CHCHD3: variants seen among roughly 807,000 people sequenced by gnomAD.
CHCHD3 encodes MICOS complex subunit MIC19.
CHCHD3 carries 20 observed loss-of-function variants against 38.2 expected under a neutral mutation model. The observed-to-expected ratio is 0.52, with a 90% confidence interval of 0.37 to 0.76. CHCHD3 has a LOEUF of 0.76. Ranked by LOEUF, CHCHD3 falls within the 30% of genes least tolerant of loss-of-function variation. CHCHD3 has a pLI of 0.00. For missense variants in CHCHD3, 245 were observed against 279.2 expected (o/e 0.88, Z 0.87); for synonymous variants, 82 against 100.0 (o/e 0.82, Z 1.07).
chr7:132,936,239 A>G (rs1266668225), intron 4 of CHCHD3, among the ~76,000 whole-genome samples: 2 of 152,188 alleles, frequency 1.3e-5, no homozygotes, highest in East Asian at 3.9e-4. Flanking sequence ...CAGGTCTAAC[A>G]TGCTTATTTT....
intron 2 of CHCHD3, among the ~76,000 whole-genome samples, chr7:133,030,883 A>ATTT (rs1813481811): frequency 6.6e-6 from 1 of 152,138 alleles, no homozygotes; most frequent in South Asian, 2.1e-4. Flanking sequence ...GCTCTAAACC[A>ATTT]TTTACTTGAA....
chr7:132,971,004 A>G (rs902092107), intron 4 of CHCHD3, among the ~76,000 whole-genome samples: 1 of 152,184 alleles, frequency 6.6e-6, no homozygotes, highest in African/African-American at 2.4e-5. Flanking sequence ...GTAAGACATA[A>G]AAAAGAGTGA....
chr7:132,930,191 G>A (rs1006558621), intron 4 of CHCHD3, among the ~76,000 whole-genome samples: 1 of 142,496 alleles, frequency 7.0e-6, no homozygotes, highest in African/African-American at 2.5e-5. Flanking sequence ...TTTGAGACAG[G>A]AGTCTCGTTC....
chr7:132,815,865 T>C (rs1807190040), intron 6 of CHCHD3, among the ~76,000 whole-genome samples: 1 of 152,196 alleles, frequency 6.6e-6, no homozygotes, highest in South Asian at 2.1e-4. Context: ...GCCTACTCAT[T>C]CAATGCTTAA....
At chr7:133,045,969 T>C (rs573818990) in intron 2 of CHCHD3, among the ~76,000 whole-genome samples, 7 of 152,206 alleles carry the variant, frequency 4.6e-5, no homozygotes, top group Admixed American at 2.0e-4. Flanking sequence ...TGCAGAGTCA[T>C]GAGCCTACAG....
At chr7:132,997,250 T>C (rs1812444043) in intron 3 of CHCHD3, among the ~76,000 whole-genome samples, 1 of 152,188 alleles carries the variant, frequency 6.6e-6, no homozygotes, top group South Asian at 2.1e-4. Context: ...GCTGCCTATA[T>C]AGTTTTTGAT....
chr7:133,029,458 T>A (rs931004902), intron 2 of CHCHD3, among the ~76,000 whole-genome samples: 54 of 152,222 alleles, frequency 3.5e-4, no homozygotes, highest in Non-Finnish European at 6.8e-4. Flanking sequence ...GCTCAACTTT[T>A]TTAGATTCCA....
intron 3 of CHCHD3, among the ~76,000 whole-genome samples, chr7:133,003,795 A>C (rs914842736): frequency 6.6e-5 from 10 of 152,328 alleles, no homozygotes; most frequent in African/African-American, 2.4e-4. Context: ...TGAGATAAAA[A>C]TACACGGAGG....
chr7:132,968,399 C>A (rs1399630028), intron 4 of CHCHD3, among the ~76,000 whole-genome samples: 1 of 152,180 alleles, frequency 6.6e-6, no homozygotes, highest in Non-Finnish European at 1.5e-5. Context: ...AAATGTCTAA[C>A]ACCTAAATGG....
At chr7:133,041,119 A>C (rs1219922992) in intron 2 of CHCHD3, among the ~76,000 whole-genome samples, 1 of 152,158 alleles carries the variant, frequency 6.6e-6, no homozygotes, top group Non-Finnish European at 1.5e-5. Flanking sequence ...CCATGTGTTT[A>C]TGTATATTGT....
intron 3 of CHCHD3, among the ~76,000 whole-genome samples, chr7:132,987,944 T>G (rs2117363561): frequency 6.6e-6 from 1 of 152,314 alleles, no homozygotes; most frequent in East Asian, 1.9e-4. Flanking sequence ...AATATATTTT[T>G]TCTTGCTTAT....
At chr7:132,949,993 T>C (rs1810999474) in intron 4 of CHCHD3, among the ~76,000 whole-genome samples, 1 of 152,220 alleles carries the variant, frequency 6.6e-6, no homozygotes, top group Admixed American at 6.6e-5. Context: ...TTTAGGAATA[T>C]GGGATACTTT....
At chr7:132,897,656 T>TA (rs199528374) in intron 4 of CHCHD3, among the ~76,000 whole-genome samples, 2 of 152,194 alleles carry the variant, frequency 1.3e-5, no homozygotes, top group African/African-American at 4.8e-5. Context: ...GAAGAAAATG[T>TA]AAAAAATTAC....
chr7:132,892,066 C>T (rs549443948), intron 4 of CHCHD3, among the ~76,000 whole-genome samples: 4 of 152,154 alleles, frequency 2.6e-5, no homozygotes, highest in Non-Finnish European at 5.9e-5. Flanking sequence ...TTAACTGGTA[C>T]CAAGGTAGTG....
At chr7:133,030,630 T>A (rs1242580126) in intron 2 of CHCHD3, among the ~76,000 whole-genome samples, 1 of 152,260 alleles carries the variant, frequency 6.6e-6, no homozygotes, top group Non-Finnish European at 1.5e-5. Context: ...ATGGCTTTTA[T>A]ATACACACAT....
chr7:132,896,318 C>G (rs1249240934), intron 4 of CHCHD3, among the ~76,000 whole-genome samples: 1 of 152,210 alleles, frequency 6.6e-6, no homozygotes, highest in Non-Finnish European at 1.5e-5. Context: ...TCCATTGACA[C>G]AAACTGGTTC....
rs1456236031 is a variant in CHCHD3, at chr7:132,985,282, C to T, written c.252-9996G>A. Reference sequence around the variant, plus strand: ...CAGCCCCCCGCCCGGCCAGCCGCCCCGTCCGGGAGGTGAGGGGCGCCTCTG... The same window carrying T: ...CAGCCCCCCGCCCGGCCAGCCGCCCTGTCCGGGAGGTGAGGGGCGCCTCTG... On this transcript the variant is annotated intron_variant, in intron 3 of 7. Transcript: ENST00000262570. 4.3e-4 allele frequency among the ~76,000 whole-genome samples: 29 copies of T among 68,222 alleles called. 2 individuals are homozygous for T. The highest frequency in any genetic ancestry group is 7.3e-4 in the Non-Finnish European group (24 of 32,932). The allele number at this position is 68,222 out of a possible 152,430, so 44.8% of individuals were successfully genotyped here.
intron 5 of CHCHD3, among the ~76,000 whole-genome samples, chr7:132,850,748 G>A (rs1436700463): frequency 6.6e-6 from 1 of 152,138 alleles, no homozygotes; most frequent in African/African-American, 2.4e-5. Flanking sequence ...GAAACTTAAC[G>A]TTATCATGAA....
chr7:133,027,049 T>G (rs896634566), intron 2 of CHCHD3, among the ~76,000 whole-genome samples: 2 of 152,152 alleles, frequency 1.3e-5, no homozygotes, highest in Non-Finnish European at 2.9e-5. Flanking sequence ...GTGATTCTCC[T>G]GCCTCAGCCT....
Sources: gnomAD v4.1 joint callset for allele counts (sites outside exome capture counted in the v4.1 genomes callset) on GRCh38, gnomAD v4.1.1 for gene constraint, MANE v1.5 for transcripts, NCBI Gene and HGNC (gene_info 2026-07-23, HGNC 2026-07-21) for gene names.